GSE1: variants seen among roughly 807,000 people sequenced by gnomAD.
GSE1 encodes the protein genetic suppressor element 1.
Under a neutral mutation model 112.6 loss-of-function variants are expected in GSE1, and 32 were observed. The observed-to-expected ratio is 0.28, with a 90% CI of 0.21 to 0.38. The LOEUF (loss-of-function observed/expected upper bound fraction) is 0.38, where lower values mean the gene tolerates loss of function less well. GSE1 is among the 10% of genes least tolerant of loss of function. The pLI is 1.00. For synonymous variants in GSE1, 1,115 were observed against 735.6 expected, an observed-to-expected ratio of 1.52 and a Z score of -8.35; for missense variants, 2,348 against 1,699.2, an observed-to-expected ratio of 1.38 and a Z score of -6.71.
At chr16:85,588,372 G>A (rs1291108449) in intron 1 of GSE1, among the ~76,000 whole-genome samples, 4 of 152,198 alleles carry the variant, frequency 2.6e-5, no homozygotes, top group East Asian at 3.9e-4. Context: ...GGCCTTGGGG[G>A]GCCCGTGTCC....
At chr16:85,639,713 A>T (rs1214555416) in intron 2 of GSE1, among the ~76,000 whole-genome samples, 2 of 152,236 alleles carry the variant, frequency 1.3e-5, no homozygotes, top group Non-Finnish European at 2.9e-5. Context: ...GGGCCTGCCC[A>T]GTGTCTCTGC....
At chr16:85,331,098 A>T (rs538560552) in intron 1 of GSE1, among the ~76,000 whole-genome samples, 2 of 151,966 alleles carry the variant, frequency 1.3e-5, no homozygotes, top group East Asian at 3.9e-4. Flanking sequence ...GAGACGGGAA[A>T]TGCTTCCTGT....
chr16:85,643,318 G>A (rs569827365), intron 2 of GSE1, among the ~76,000 whole-genome samples: 2 of 152,232 alleles, frequency 1.3e-5, no homozygotes, highest in Admixed American at 6.5e-5. Context: ...ATGAGGGTTC[G>A]AGGGCCAGGT....
intron 1 of GSE1, among the ~76,000 whole-genome samples, chr16:85,302,098 T>C (rs1337887948): frequency 1.3e-5 from 2 of 152,054 alleles, no homozygotes; most frequent in Admixed American, 1.3e-4. Flanking sequence ...ACCCCAGATC[T>C]CAAAATCATC....
At chr16:85,478,356 G>A (rs972454520) in intron 2 of GSE1, among the ~76,000 whole-genome samples, 27 of 151,972 alleles carry the variant, frequency 1.8e-4, no homozygotes, top group Admixed American at 3.9e-4. Flanking sequence ...GTGAAACCCC[G>A]TCCCTACTAA....
intron 2 of GSE1, among the ~76,000 whole-genome samples, chr16:85,512,025 G>T (rs2051763672): frequency 6.6e-6 from 1 of 152,222 alleles, no homozygotes; most frequent in Admixed American, 6.5e-5. Flanking sequence ...GGAGTGGAGG[G>T]AGGTGCATCG....
intron 2 of GSE1, among the ~76,000 whole-genome samples, chr16:85,361,139 CACACAA>C: frequency 3.9e-5 from 2 of 51,688 alleles, no homozygotes; most frequent in Non-Finnish European, 4.1e-5. Context: ...AGACCCCCCC[CACACAA>C]ACACACAGAC....
intron 2 of GSE1, among the ~76,000 whole-genome samples, chr16:85,647,784 A>G (rs1479087549): frequency 1.3e-5 from 2 of 152,084 alleles, no homozygotes; most frequent in Non-Finnish European, 2.9e-5. Context: ...ACAGGGTTTC[A>G]CCATGTTGGC....
chr16:85,392,490 CTG>C (rs1384750149), intron 2 of GSE1, among the ~76,000 whole-genome samples: 1 of 152,208 alleles, frequency 6.6e-6, no homozygotes, highest in African/African-American at 2.4e-5. Context: ...CTGAAATTGA[CTG>C]TGGTGAGTAG....
intron 2 of GSE1, among the ~76,000 whole-genome samples, chr16:85,514,943 G>C (rs148099785): frequency 6.6e-6 from 1 of 152,320 alleles, no homozygotes; most frequent in Non-Finnish European, 1.5e-5. Flanking sequence ...GTATTTGTGT[G>C]TTTGCCTATG....
At chr16:85,182,948 G>C (rs141555281) in intron 1 of GSE1, among the ~76,000 whole-genome samples, 3 of 152,040 alleles carry the variant, frequency 2.0e-5, no homozygotes, top group Non-Finnish European at 1.5e-5. Flanking sequence ...TCGCACACTT[G>C]TATGCGTACA....
intron 1 of GSE1, among the ~76,000 whole-genome samples, chr16:85,263,323 C>T (rs565277773): frequency 8.6e-5 from 13 of 152,000 alleles, no homozygotes; most frequent in South Asian, 2.1e-4. Context: ...GGGATTGTGA[C>T]GCTGGAGTGT....
intron 1 of GSE1, among the ~76,000 whole-genome samples, chr16:85,191,836 C>T (rs1207280509): frequency 6.6e-6 from 1 of 152,254 alleles, no homozygotes; most frequent in East Asian, 1.9e-4. Flanking sequence ...TAGAAGATTT[C>T]CCTGACACCA....
Position 85,305,749 on chromosome 16 carries a change from T to A in GSE1, c.2284-51714T>A, listed in dbSNP as rs182231904. The stretch of plus-strand genomic sequence containing the variant: ...CTTTGGCCTCCCAAAGTGTCGGGAT[T>A]ACAGGCGTGAGTCACTGCACTCCGC... On this transcript the variant is annotated intron_variant, in intron 1 of 2. Transcript: ENST00000637419. Among the ~76,000 whole-genome samples the A allele has an allele frequency of 4.1e-3, 626 of 152,268 alleles. 3 individuals are homozygous for A. Among genetic ancestry groups the A allele is most frequent in the Admixed American group, 4.8e-3 (73 of 15,296 alleles).
At chr16:85,457,312 T>C (rs993186612) in intron 2 of GSE1, among the ~76,000 whole-genome samples, 9 of 152,128 alleles carry the variant, frequency 5.9e-5, no homozygotes, top group Non-Finnish European at 8.8e-5. Flanking sequence ...ATCTCCACCC[T>C]GAGCTGGCAG....
intron 2 of GSE1, among the ~76,000 whole-genome samples, chr16:85,402,266 G>A (rs11640864): frequency 0.12 from 18,461 of 152,240 alleles, 1,188 homozygotes; most frequent in Middle Eastern, 0.24. Flanking sequence ...CCGGGCCACC[G>A]TGTTTTCCAT....
chr16:85,649,005 T>C (rs1036884264), intron 3 of GSE1, among the ~76,000 whole-genome samples: 1 of 152,142 alleles, frequency 6.6e-6, no homozygotes, highest in Non-Finnish European at 1.5e-5. Flanking sequence ...TCCCGTTATT[T>C]TCTCCTGTTC....
intron 2 of GSE1, among the ~76,000 whole-genome samples, chr16:85,449,871 G>T (rs1020310050): frequency 6.6e-6 from 1 of 152,180 alleles, no homozygotes; most frequent in Admixed American, 6.5e-5. Context: ...TCCCTGGTGG[G>T]GAATAAAACA....
At chr16:85,620,244 C>T (rs572595125) in intron 1 of GSE1, among the ~76,000 whole-genome samples, 145 of 152,300 alleles carry the variant, frequency 9.5e-4, no homozygotes, top group Non-Finnish European at 1.6e-3. Flanking sequence ...GAGCTGTGAT[C>T]GCACCACTGC....
Sources: gnomAD v4.1 joint callset for allele counts (sites outside exome capture counted in the v4.1 genomes callset) on GRCh38, gnomAD v4.1.1 for gene constraint, MANE v1.5 for transcripts, NCBI Gene and HGNC (gene_info 2026-07-23, HGNC 2026-07-21) for gene names.